The following NUP188 variants were observed in gnomAD, a reference collection of about 807,000 sequenced individuals.
NUP188 encodes nucleoporin NUP188.
In NUP188, 97 loss-of-function variants were observed where a neutral mutation model predicts 223.0. The ratio of observed to expected loss-of-function variants is 0.43; its 90% CI spans 0.37 to 0.51. The LOEUF is 0.51. Ranked by LOEUF, NUP188 falls within the 20% of genes least tolerant of loss-of-function variation. The pLI, the probability that NUP188 is intolerant of heterozygous loss-of-function variation, is 0.00. For missense variants in NUP188, 1,947 were observed against 2,175.6 expected (o/e 0.89, Z 2.09); for synonymous variants, 869 against 828.0 (o/e 1.05, Z -0.85).
rs1289823809 is a variant in NUP188 at position 128,981,246 on chromosome 9, T to A, written c.1390-18T>A. On this transcript the variant is annotated intron_variant, in intron 14 of 43. Transcript: ENST00000372577. ...TATCCTGGAGGGAAATGTGTGATGG[T>A]TTTTTCTGTTTTGGCAGGTGTATAG... The A allele has an allele frequency of 1.2e-6, 2 of 1,610,400 alleles. No individual in the cohort carries two copies. Among genetic ancestry groups the A allele is most frequent in the Non-Finnish European group, 1.7e-6 (2 of 1,178,736 alleles).
intron 41 of NUP188, 134 bp from the exon 42 acceptor site, chr9:129,005,913 GCAC>G: frequency 7.1e-7 from 1 of 1,399,724 alleles, no homozygotes; most frequent in Non-Finnish European, 9.9e-7. Context: ...GAACATGACA[GCAC>G]CTCTGAGAAT....
intron 12 of NUP188, among the ~76,000 whole-genome samples, 168 bp downstream of exon 12, chr9:128,973,417 C>T (rs1179623374): frequency 6.6e-6 from 1 of 152,064 alleles, no homozygotes; most frequent in Non-Finnish European, 1.5e-5. Context: ...GAGTCCTGCT[C>T]TGTCCCCCAG....
At chr9:128,980,972 AC>A in intron 14 of NUP188, among the ~76,000 whole-genome samples, 1 of 152,232 alleles carries the variant, frequency 6.6e-6, no homozygotes, top group Non-Finnish European at 1.5e-5. Flanking sequence ...GTTGGAAGTT[AC>A]TAGATATAAG....
intron 3 of NUP188, among the ~76,000 whole-genome samples, chr9:128,955,308 G>A (rs2088235882): frequency 6.6e-6 from 1 of 152,116 alleles, no homozygotes; most frequent in African/African-American, 2.4e-5. Context: ...TTTTGGAAGT[G>A]AGTACTAAAT....
Position 129,006,547 on chromosome 9 carries a change from C to T in NUP188, c.5119C>T (p.Pro1707Ser). 6.2e-7 allele frequency: 1 copy of T among 1,614,130 alleles called. No homozygotes were observed. Among genetic ancestry groups the T allele is most frequent in the Non-Finnish European group, 8.5e-7 (1 of 1,180,014 alleles). ...SLSRYFRRGAPSSPATGVLPS... is the reference protein window; with the variant it reads ...SLSRYFRRGASSSPATGVLPS... The stretch of plus-strand genomic sequence containing the variant: ...CTCGCGCTACTTCCGCCGGGGAGCC[C>T]CCAGCTCCCCTGCCACTGGTGTCCT... The change falls in exon 44 of 44, where the codon CCC (proline) becomes TCC (serine). Residue 1707 changes from proline to serine, a missense_variant. This residue lies in a region of NUP188 where 905 missense variants were observed against 990.6 expected (regional missense o/e 0.91). Transcript: ENST00000372577.
At chr9:128,958,123 T>C (rs1841896952) in intron 6 of NUP188, 69 bp downstream of exon 6, 2 of 1,245,296 alleles carry the variant, frequency 1.6e-6, no homozygotes, top group South Asian at 2.5e-5. Flanking sequence ...CTCATTTTCC[T>C]GAGCATTGCT....
chr9:128,984,384 C>T (rs542050328), intron 19 of NUP188, among the ~76,000 whole-genome samples: 1 of 151,900 alleles, frequency 6.6e-6, no homozygotes, highest in East Asian at 1.9e-4. Context: ...CCTTGGCCTC[C>T]CAAAGTGCTG....
chr9:128,980,873 C>T lies in NUP188; in HGVS notation c.1389+148C>T, dbSNP rs180959828. ...ATGAAAGATACCAAAGATAGCACCT[C>T]AATTCTAAAAAATTAAATAATCTTT... On this transcript the variant is annotated intron_variant, in intron 14 of 43. Transcript: ENST00000372577. 1.8e-4 allele frequency: 132 copies of T among 750,686 alleles called. No homozygotes were observed. The African/African-American group carries it at 1.9e-3, about 11-fold the overall frequency. 46.5% of individuals were successfully genotyped at this position (750,686 alleles called of 1,614,324 possible).
At chr9:128,961,586 CTATCTAGA>C (rs1410864213) in intron 8 of NUP188, among the ~76,000 whole-genome samples, 5 of 118,414 alleles carry the variant, frequency 4.2e-5, no homozygotes, top group Admixed American at 7.6e-5. Context: ...ATCTATCTAT[CTATCTAGA>C]TAGATAGATA....
At chr9:128,959,528 T>G (rs1841917216) in intron 8 of NUP188, among the ~76,000 whole-genome samples, 1 of 124,362 alleles carries the variant, frequency 8.0e-6, no homozygotes, top group Admixed American at 7.8e-5. Flanking sequence ...ACAGATTATC[T>G]TTTTTTTTTT....
chr9:128,967,014 TTG>T (rs910129085), intron 8 of NUP188, among the ~76,000 whole-genome samples: 1 of 151,694 alleles, frequency 6.6e-6, no homozygotes, highest in South Asian at 2.1e-4. Flanking sequence ...GGGAGGGTTT[TTG>T]TGTGTGTGTG....
intron 31 of NUP188, 92 bp downstream of exon 31, chr9:128,998,320 A>G (rs1374046433): frequency 1.6e-6 from 2 of 1,232,812 alleles, no homozygotes; most frequent in Non-Finnish European, 2.4e-6. Flanking sequence ...CCAGCCGCAC[A>G]AATAGTCAGG....
chr9:128,959,169 T>G, intron 8 of NUP188, 35 bp downstream of exon 8: 1 of 1,508,380 alleles, frequency 6.6e-7, no homozygotes, highest in Non-Finnish European at 8.9e-7. Context: ...TAACTTTTTT[T>G]TTTTAAGATG....
Position 128,973,151 on chromosome 9 carries a change from T to C in NUP188, c.1114-9T>C, listed in dbSNP as rs1447079867. The C allele has an allele frequency of 1.2e-6, 2 of 1,600,316 alleles. No individual in the cohort carries two copies. The highest frequency in any genetic ancestry group is 3.4e-5 in the Admixed American group (2 of 59,636). On this transcript the variant is annotated splice_polypyrimidine_tract_variant and intron_variant, in intron 11 of 43. Transcript: ENST00000372577. Reference sequence around the variant, plus strand: ...TCAGAATGATTCACTGACTCCTTTGTCATTCCAGTGCACCACCAGCACTGC... The same window carrying C: ...TCAGAATGATTCACTGACTCCTTTGCCATTCCAGTGCACCACCAGCACTGC...
intron 8 of NUP188, among the ~76,000 whole-genome samples, chr9:128,961,279 G>A (rs1438900070): frequency 2.0e-5 from 3 of 150,938 alleles, no homozygotes; most frequent in Non-Finnish European, 4.4e-5. Context: ...GCAGTGAGCC[G>A]AGATTGCACC....
At chr9:128,994,197 A>C (rs1417622271) in intron 27 of NUP188, among the ~76,000 whole-genome samples, 176 bp from the exon 28 acceptor site, 8 of 152,228 alleles carry the variant, frequency 5.3e-5, no homozygotes, top group Non-Finnish European at 1.5e-5. Flanking sequence ...CATGAGAGGA[A>C]AATGTAATTT....
chr9:128,955,653 T>G (rs1841858520), intron 3 of NUP188, among the ~76,000 whole-genome samples: 1 of 152,186 alleles, frequency 6.6e-6, no homozygotes, highest in Non-Finnish European at 1.5e-5. Flanking sequence ...CTTTTTTTTC[T>G]ATTATGTCAT....
At chr9:128,954,391 T>C (rs888250646) in intron 3 of NUP188, among the ~76,000 whole-genome samples, 1 of 142,064 alleles carries the variant, frequency 7.0e-6, no homozygotes, top group African/African-American at 2.6e-5. Flanking sequence ...GTCTTTTTTT[T>C]TTTTTTTTTT....
chr9:129,006,003 G>A, intron 41 of NUP188, 47 bp from the exon 42 acceptor site: 1 of 1,599,232 alleles, frequency 6.3e-7, no homozygotes. Context: ...CTCAGTAAGT[G>A]GGAGCTGTTC....
Sources: gnomAD v4.1 joint callset for allele counts (sites outside exome capture counted in the v4.1 genomes callset) on GRCh38, gnomAD v4.1.1 for gene constraint, gnomAD v4.1.1 regional missense constraint, MANE v1.5 for transcripts, NCBI Gene and HGNC (gene_info 2026-07-23, HGNC 2026-07-21) for gene names.